The following SYNE2 variants were observed in gnomAD, a reference collection of about 807,000 sequenced individuals.
SYNE2 encodes the protein nesprin-2.
In SYNE2, 431 loss-of-function variants were observed where a neutral mutation model predicts 856.3. That is an observed-to-expected ratio of 0.50 (90% CI 0.47 to 0.55). The LOEUF is 0.55. SYNE2 is among the 20% of genes least tolerant of loss of function. The pLI, the probability that SYNE2 is intolerant of heterozygous loss-of-function variation, is 0.00. For synonymous variants in SYNE2, 2,923 were observed against 2,872.3 expected, an observed-to-expected ratio of 1.02 and a Z score of -0.56; for missense variants, 8,129 against 8,023.2, an observed-to-expected ratio of 1.01 and a Z score of -0.50.
intron 63 of SYNE2, among the ~76,000 whole-genome samples, chr14:64,101,501 G>C (rs1199849166): frequency 6.6e-6 from 1 of 152,044 alleles, no homozygotes; most frequent in Non-Finnish European, 1.5e-5. Context: ...GCCTAGGCTA[G>C]AGTGCAGTGG....
intron 73 of SYNE2, among the ~76,000 whole-genome samples, 174 bp downstream of exon 73, chr14:64,126,981 G>A (rs763122555): frequency 2.6e-5 from 4 of 152,202 alleles, no homozygotes; most frequent in East Asian, 1.9e-4. Context: ...AGCCCTGGCC[G>A]AGTGCAGTGG....
At chr14:63,922,002 T>G (rs1273977847) in intron 2 of SYNE2, among the ~76,000 whole-genome samples, 1 of 152,136 alleles carries the variant, frequency 6.6e-6, no homozygotes, top group Non-Finnish European at 1.5e-5. Flanking sequence ...CAATAGATGT[T>G]TTGTTTTATT....
intron 1 of SYNE2, among the ~76,000 whole-genome samples, 176 bp downstream of exon 1, chr14:63,853,319 G>C (rs376457067): frequency 4.6e-5 from 7 of 151,806 alleles, no homozygotes; most frequent in African/African-American, 1.7e-4. Flanking sequence ...AACTTTGCTC[G>C]GGTGGGGAGA....
chr14:63,781,996 G>A (rs1440673652), intron 1 of SYNE2, among the ~76,000 whole-genome samples: 3 of 151,924 alleles, frequency 2.0e-5, no homozygotes, highest in African/African-American at 4.8e-5. Context: ...GTAGCCAGGC[G>A]TGGTGGCACA....
chr14:64,091,369 A>G (rs1182521730), intron 60 of SYNE2, among the ~76,000 whole-genome samples: 3 of 152,224 alleles, frequency 2.0e-5, no homozygotes, highest in Non-Finnish European at 4.4e-5. Context: ...TAAAGTAATC[A>G]TCACCATAGT....
At chr14:64,009,070 C>T (rs1194664503) in intron 31 of SYNE2, among the ~76,000 whole-genome samples, 2 of 152,040 alleles carry the variant, frequency 1.3e-5, no homozygotes, top group East Asian at 1.9e-4. Context: ...TCTAGTCTAC[C>T]CTCTGATTTT....
chr14:64,042,048 GTA>G (rs529081385), intron 45 of SYNE2, among the ~76,000 whole-genome samples: 125 of 152,020 alleles, frequency 8.2e-4, no homozygotes, highest in Admixed American at 1.3e-3. Context: ...TCATACAAGG[GTA>G]TATATCACAG....
chr14:63,992,234 A>G (rs942429619), intron 21 of SYNE2, among the ~76,000 whole-genome samples: 2 of 138,716 alleles, frequency 1.4e-5, no homozygotes, highest in African/African-American at 5.3e-5. Flanking sequence ...GGTCAGGAAA[A>G]AGAGAAGGAA....
At chr14:63,948,758 A>ATGTG (rs1367958611) in intron 6 of SYNE2, among the ~76,000 whole-genome samples, 8 of 104,300 alleles carry the variant, frequency 7.7e-5, no homozygotes, top group East Asian at 2.8e-4. Flanking sequence ...GTGTATATAT[A>ATGTG]TGTATATATA....
intron 7 of SYNE2, among the ~76,000 whole-genome samples, chr14:63,954,227 A>G (rs2096210520): frequency 2.0e-5 from 3 of 152,126 alleles, no homozygotes; most frequent in Admixed American, 6.5e-5. Flanking sequence ...ATTACACACA[A>G]TGTATCATTT....
At chr14:63,961,743 C>T in intron 9 of SYNE2, 118 bp downstream of exon 9, 1 of 745,620 alleles carries the variant, frequency 1.3e-6, no homozygotes, top group South Asian at 1.5e-5. Context: ...AATGAGCATA[C>T]ACCCCTGTAA....
chr14:63,849,928 C>G (rs1238520577), upstream of SYNE2, among the ~76,000 whole-genome samples: 2 of 152,122 alleles, frequency 1.3e-5, no homozygotes, highest in Non-Finnish European at 2.9e-5. Context: ...TACCAAGTCA[C>G]AGATGTGCTT....
chr14:63,896,448 C>T (rs1343544269), intron 1 of SYNE2, among the ~76,000 whole-genome samples: 1 of 152,240 alleles, frequency 6.6e-6, no homozygotes, highest in Non-Finnish European at 1.5e-5. Context: ...CCAAAGACAA[C>T]ATCCAGGAAT....
In SYNE2 at chr14:64,122,063, T is replaced by G. The variant is rs1358483785; in HGVS notation, c.13210T>G (p.Phe4404Val). Residue 4404 changes from phenylalanine to valine, a missense_variant, in exon 69 of 116, where the codon TTT (phenylalanine) becomes GTT (valine). Physicochemically the swap from Phe to Val is conservative, Grantham distance 50. Transcript: ENST00000555002. Reference sequence around the variant, plus strand: ...GAAAGATTTCATCAAATTCATAGAATTTAATGCTAAGAAAATGTGGCCCCA... The same window carrying G: ...GAAAGATTTCATCAAATTCATAGAAGTTAATGCTAAGAAAATGTGGCCCCA... ...EQKDFIKFIE[F>V]NAKKMWPQYC... The G allele has an allele frequency of 1.9e-6, 3 of 1,613,914 alleles. No individual in the cohort carries two copies. Among genetic ancestry groups the G allele is most frequent in the Non-Finnish European group, 2.5e-6 (3 of 1,180,026 alleles).
intron 45 of SYNE2, among the ~76,000 whole-genome samples, chr14:64,045,235 T>C (rs1035357532): frequency 6.6e-6 from 1 of 152,126 alleles, no homozygotes; most frequent in African/African-American, 2.4e-5. Context: ...TAATTTCAGG[T>C]TTTCAAGAAT....
At chr14:63,931,130 A>C (rs1443507985) in intron 2 of SYNE2, among the ~76,000 whole-genome samples, 1 of 152,090 alleles carries the variant, frequency 6.6e-6, no homozygotes, top group Non-Finnish European at 1.5e-5. Flanking sequence ...TTAGGGAAAA[A>C]CTCACACATT....
intron 1 of SYNE2, among the ~76,000 whole-genome samples, chr14:63,859,514 T>C (rs1299184086): frequency 1.3e-5 from 2 of 152,010 alleles, no homozygotes. Flanking sequence ...TATTTGTATT[T>C]AGTTAAAAAT....
chr14:64,068,861 CAAAAAAAAAAAAAA>C lies in SYNE2; in HGVS notation c.10432-1774_10432-1761del, dbSNP rs10546690. ...TGGGTGACAGAGAGAGACTCCGTCT[CAAAAAAAAAAAAAA>C]AAAAAAAAAGAGATTGTTCTCCCTC... On this transcript the variant is annotated intron_variant, in intron 51 of 115. Coordinates refer to ENST00000555002, the MANE Select transcript of SYNE2 (RefSeq NM_182914.3). Among the ~76,000 whole-genome samples, 3 of 76,644 alleles carry C rather than the reference CAAAAAAAAAAAAAA, an allele frequency of 3.9e-5. No individual in the cohort carries two copies. In the East Asian group the frequency reaches 1.2e-3, roughly 29 times the overall value. 50.3% of individuals were successfully genotyped at this position (76,644 alleles called of 152,430 possible).
intron 31 of SYNE2, 23 bp downstream of exon 31, chr14:64,007,245 C>G (rs754879593): frequency 2.5e-6 from 4 of 1,610,408 alleles, no homozygotes; most frequent in Non-Finnish European, 8.5e-7. Context: ...AAGAATCCCT[C>G]TTGAATCTGA....
Sources: gnomAD v4.1 joint callset for allele counts (sites outside exome capture counted in the v4.1 genomes callset) on GRCh38, gnomAD v4.1.1 for gene constraint, MANE v1.5 for transcripts, NCBI Gene and HGNC (gene_info 2026-07-23, HGNC 2026-07-21) for gene names.